The following PCDHGB6 variants were observed in gnomAD, a reference collection of about 807,000 sequenced individuals.
The protein encoded by PCDHGB6 is protocadherin gamma-B6.
In PCDHGB6, 51 loss-of-function variants were observed where a neutral mutation model predicts 59.1. The ratio of observed to expected loss-of-function variants is 0.86; its 90% CI spans 0.69 to 1.09. The LOEUF (loss-of-function observed/expected upper bound fraction) is 1.09. PCDHGB6 is among the 50% of genes least tolerant of loss of function. PCDHGB6 has a pLI of 0.00. For missense variants in PCDHGB6, 1,148 were observed against 1,205.1 expected, an observed-to-expected ratio of 0.95 and a Z score of 0.70; for synonymous variants, 466 against 495.1, an observed-to-expected ratio of 0.94 and a Z score of 0.78.
intron 1 of PCDHGB6, among the ~76,000 whole-genome samples, chr5:141,450,082 C>T (rs2098668421): frequency 6.8e-6 from 1 of 147,384 alleles, no homozygotes. Context: ...TCTTGGCTCA[C>T]TGCAACCTCC....
At chr5:141,450,608 T>A (rs916441293) in intron 1 of PCDHGB6, among the ~76,000 whole-genome samples, 1 of 151,894 alleles carries the variant, frequency 6.6e-6, no homozygotes, top group East Asian at 1.9e-4. Flanking sequence ...TGCCTCAGCC[T>A]CCTGAGTAGC....
chr5:141,422,150 T>C (rs773805631), intron 1 of PCDHGB6: 23 of 1,577,056 alleles, frequency 1.5e-5, no homozygotes, highest in Non-Finnish European at 1.8e-5. Context: ...CGGGGGTCTC[T>C]GGATTTTGAA....
intron 1 of PCDHGB6, chr5:141,416,001 G>C (rs2095980823): frequency 4.0e-6 from 1 of 253,062 alleles, no homozygotes; most frequent in Non-Finnish European, 7.3e-6. Flanking sequence ...AGGCAGGTCT[G>C]GTAAGAATAG....
chr5:141,457,806 G>A (rs1321207711), intron 1 of PCDHGB6, among the ~76,000 whole-genome samples: 1 of 152,150 alleles, frequency 6.6e-6, no homozygotes, highest in Non-Finnish European at 1.5e-5. Context: ...CTCCTCTTGA[G>A]GTCCCAAGAT....
intron 1 of PCDHGB6, chr5:141,414,518 A>G (rs746198767): frequency 1.9e-6 from 3 of 1,614,000 alleles, no homozygotes; most frequent in Non-Finnish European, 2.5e-6. Flanking sequence ...CAAGTGGCAG[A>G]TATCAATGAC....
intron 1 of PCDHGB6, among the ~76,000 whole-genome samples, chr5:141,455,998 T>C (rs1301217416): frequency 2.6e-5 from 4 of 151,692 alleles, no homozygotes; most frequent in Non-Finnish European, 4.4e-5. Flanking sequence ...CTCGGGTTCA[T>C]GCCATTCTCC....
At chr5:141,473,270 T>C (rs538574742) in intron 1 of PCDHGB6, among the ~76,000 whole-genome samples, 4 of 152,326 alleles carry the variant, frequency 2.6e-5, no homozygotes, top group African/African-American at 9.6e-5. Context: ...GTGTATGCTA[T>C]GATTATTTTA....
At chr5:141,434,561 G>A (rs2097702856) in intron 1 of PCDHGB6, among the ~76,000 whole-genome samples, 1 of 152,188 alleles carries the variant, frequency 6.6e-6, no homozygotes, top group Non-Finnish European at 1.5e-5. Flanking sequence ...GTGCCTTAAG[G>A]ACATGCCCCT....
chr5:141,478,563 C>A, intron 1 of PCDHGB6: 2 of 1,596,270 alleles, frequency 1.3e-6, no homozygotes, highest in South Asian at 1.1e-5. Context: ...TTTAGCAAGT[C>A]ATGCTTGACC....
At chr5:141,460,536 G>T (rs911670681) in intron 1 of PCDHGB6, among the ~76,000 whole-genome samples, 1 of 152,092 alleles carries the variant, frequency 6.6e-6, no homozygotes, top group African/African-American at 2.4e-5. Context: ...AATAATCTTA[G>T]CACCTTAATC....
chr5:141,432,481 C>G lies in PCDHGB6; in HGVS notation c.2418+21861C>G. 6.2e-7 allele frequency: 1 copy of G among 1,614,198 alleles called. No homozygotes were observed. On this transcript the variant is annotated intron_variant, in intron 1 of 3. Coordinates refer to ENST00000520790, the MANE Select transcript of PCDHGB6 (RefSeq NM_018926.3). This position sits in a 1 kb window ranked among gnomAD's most constrained non-coding sequence, Gnocchi z 6.0. ...CCCTCCCCACGGACGGTTCCACTGG[C>G]GTGGAGCTGGCTCCCCGCTCCGCAG...
At chr5:141,447,263 C>A (rs953578064) in intron 1 of PCDHGB6, among the ~76,000 whole-genome samples, 1 of 152,116 alleles carries the variant, frequency 6.6e-6, no homozygotes, top group Non-Finnish European at 1.5e-5. Context: ...TCTCAGCCTC[C>A]CAAGTAGCTG....
At chr5:141,417,706 A>T in intron 1 of PCDHGB6, 1 of 1,214,910 alleles carries the variant, frequency 8.2e-7, no homozygotes, top group Non-Finnish European at 1.1e-6. Flanking sequence ...TCCCACACAG[A>T]GGCTCCCGGC....
chr5:141,473,763 GGATTTGGT>G (rs1358359618), intron 1 of PCDHGB6, among the ~76,000 whole-genome samples: 73 of 152,322 alleles, frequency 4.8e-4, no homozygotes, highest in African/African-American at 1.7e-3. Context: ...ACTATGCAAA[GGATTTGGT>G]ATTTTAATTC....
intron 1 of PCDHGB6, among the ~76,000 whole-genome samples, chr5:141,461,557 C>T (rs2154567400): frequency 6.6e-6 from 1 of 152,122 alleles, no homozygotes; most frequent in East Asian, 1.9e-4. Context: ...CAGATGTGTA[C>T]TTTGCAAAGA....
intron 1 of PCDHGB6, among the ~76,000 whole-genome samples, chr5:141,483,021 G>A (rs543104114): frequency 6.6e-6 from 1 of 152,126 alleles, no homozygotes; most frequent in East Asian, 1.9e-4. Context: ...GGAGGCAGAG[G>A]TTGCAATGAG....
In PCDHGB6 at chr5:141,408,083, C is replaced by A; in HGVS notation, c.-120C>A. 1 of 1,414,576 alleles carries A rather than the reference C, an allele frequency of 7.1e-7. No homozygotes were observed. The highest frequency in any genetic ancestry group is 9.3e-7 in the Non-Finnish European group (1 of 1,073,846). 87.6% of individuals were successfully genotyped at this position (1,414,576 alleles called of 1,614,324 possible). On this transcript the variant is annotated 5_prime_UTR_variant, in exon 1 of 4. Transcript: ENST00000520790. ...GCTGCGCAGACCTTTCCCAGCACAG[C>A]GGATTGCCAGCTCCGAGACCCGGGA...
intron 1 of PCDHGB6, among the ~76,000 whole-genome samples, chr5:141,480,272 G>T (rs903112862): frequency 7.2e-6 from 1 of 138,796 alleles, no homozygotes; most frequent in Non-Finnish European, 1.5e-5. Flanking sequence ...TTCATTAGCT[G>T]GGTGTGTTGG....
At chr5:141,418,594 C>A in intron 1 of PCDHGB6, 4 of 1,614,022 alleles carry the variant, frequency 2.5e-6, no homozygotes, top group Non-Finnish European at 3.4e-6. Context: ...TCAGCCAGGA[C>A]GTGTACAGGG....
Sources: gnomAD v4.1 joint callset for allele counts (sites outside exome capture counted in the v4.1 genomes callset) on GRCh38, gnomAD v4.1.1 for gene constraint, Gnocchi (gnomAD v3.1) non-coding constraint, MANE v1.5 for transcripts, NCBI Gene and HGNC (gene_info 2026-07-23, HGNC 2026-07-21) for gene names.